Variants in ANGPT4 observed in about 807,000 individuals in gnomAD.
The protein encoded by ANGPT4 is angiopoietin 4.
A neutral mutation model predicts 53.0 loss-of-function variants in ANGPT4; 50 were observed. That is an observed-to-expected ratio of 0.94 (90% confidence interval 0.75 to 1.20). ANGPT4 has a LOEUF of 1.20. Ranked by LOEUF, ANGPT4 falls within the 50% of genes most tolerant of loss-of-function variation. ANGPT4 has a pLI of 0.00. For synonymous variants in ANGPT4, 251 were observed against 259.7 expected (o/e 0.97, Z 0.32); for missense variants, 648 against 637.1 (o/e 1.02, Z -0.18).
At chr20:899,538 C>T (rs991361130) in intron 1 of ANGPT4, among the ~76,000 whole-genome samples, 1 of 152,174 alleles carries the variant, frequency 6.6e-6, no homozygotes, top group South Asian at 2.1e-4. Flanking sequence ...CAGGCATGAA[C>T]CACCGCCCCC....
chr20:891,499 G>A (rs1981847254), intron 1 of ANGPT4, among the ~76,000 whole-genome samples: 1 of 152,228 alleles, frequency 6.6e-6, no homozygotes, highest in Non-Finnish European at 1.5e-5. Flanking sequence ...TGCAGGCAGA[G>A]AGCCAGCTCC....
intron 1 of ANGPT4, among the ~76,000 whole-genome samples, chr20:901,038 T>C (rs546384059): frequency 6.6e-6 from 1 of 152,226 alleles, no homozygotes; most frequent in South Asian, 2.1e-4. Flanking sequence ...CAGTTTACTC[T>C]CTCCCACTCT....
chr20:879,916 C>T (rs1234092612), intron 5 of ANGPT4, 68 bp from the exon 6 acceptor site: 5 of 1,199,996 alleles, frequency 4.2e-6, no homozygotes, highest in Non-Finnish European at 4.7e-6. Flanking sequence ...CTGTGCTAGC[C>T]CAAATGTGGC....
rs1440679052 is a variant in ANGPT4 at position 908,762 on chromosome 20, C to T, written c.309+7144G>A. 6.7e-6 allele frequency among the ~76,000 whole-genome samples: 1 copy of T among 150,264 alleles called. No homozygotes were observed. Among genetic ancestry groups the T allele is most frequent in the Non-Finnish European group, 1.5e-5 (1 of 67,804 alleles). The stretch of plus-strand genomic sequence containing the variant: ...AACTAAGTTCAGAGTTGTGTATACA[C>T]ATTTGTGTTTGTGTGTGGTGGGGGG... On this transcript the variant is annotated intron_variant, in intron 1 of 8. Coordinates refer to ENST00000381922, the MANE Select transcript of ANGPT4 (RefSeq NM_015985.4). The surrounding 1 kb of genome is among the most constrained non-coding windows in gnomAD (Gnocchi z 4.9).
At chr20:879,559 T>C (rs566006653) in intron 6 of ANGPT4, among the ~76,000 whole-genome samples, 188 bp downstream of exon 6, 1 of 152,188 alleles carries the variant, frequency 6.6e-6, no homozygotes, top group African/African-American at 2.4e-5. Context: ...AGAACATATG[T>C]CAGAACTTTC....
intron 1 of ANGPT4, among the ~76,000 whole-genome samples, chr20:910,524 C>T (rs1158554995): frequency 1.3e-5 from 2 of 152,156 alleles, no homozygotes; most frequent in African/African-American, 4.8e-5. Flanking sequence ...AGGGTTCATT[C>T]CTGACATTTC....
chr20:916,042 C>T lies in ANGPT4; in HGVS notation c.173G>A (p.Gly58Glu). 1 of 1,614,198 alleles carries T rather than the reference C, an allele frequency of 6.2e-7. No individual in the cohort carries two copies. Among genetic ancestry groups the T allele is most frequent in the Non-Finnish European group, 8.5e-7 (1 of 1,180,018 alleles). Residue 58 changes from glycine (G) to glutamate (E), a missense_variant, in exon 1 of 9, where the codon GGG (glycine) becomes GAG (glutamate). By Grantham distance (98) the Gly-to-Glu change is moderately conservative (BLOSUM62 -2). Transcript: ENST00000381922. Reference protein sequence around the residue: ...LLPKSEPCPPGPEVSRDSNTL... With the variant: ...LLPKSEPCPPEPEVSRDSNTL... Reference sequence around the variant, plus strand: ...GTTGGAGTCCCTGGAGACCTCAGGCCCCGGAGGGCAGGGCTCAGACTTGGG... The same window carrying T: ...GTTGGAGTCCCTGGAGACCTCAGGCTCCGGAGGGCAGGGCTCAGACTTGGG...
intron 1 of ANGPT4, among the ~76,000 whole-genome samples, chr20:898,849 G>T (rs1450252623): frequency 6.6e-6 from 1 of 152,206 alleles, no homozygotes; most frequent in South Asian, 2.1e-4. Flanking sequence ...ACTGGGCCAA[G>T]AAATGTCCAC....
At chr20:897,257 G>A (rs892125633) in intron 1 of ANGPT4, among the ~76,000 whole-genome samples, 1 of 152,176 alleles carries the variant, frequency 6.6e-6, no homozygotes, top group Non-Finnish European at 1.5e-5. Context: ...GGGACAGGAG[G>A]ACTCCTTCAG....
intron 6 of ANGPT4, 120 bp downstream of exon 6, chr20:879,627 C>T (rs946415359): frequency 1.7e-5 from 12 of 689,566 alleles, no homozygotes; most frequent in South Asian, 2.4e-5. Context: ...GCACTGTCAG[C>T]TTTAGATGAG....
chr20:884,246 A>G (rs537084400), intron 4 of ANGPT4, among the ~76,000 whole-genome samples: 3 of 152,240 alleles, frequency 2.0e-5, no homozygotes, highest in Admixed American at 2.0e-4. Context: ...GTCTATTTTT[A>G]TGGTCTGGAA....
intron 3 of ANGPT4, among the ~76,000 whole-genome samples, chr20:885,953 G>C (rs1981604826): frequency 6.6e-6 from 1 of 152,198 alleles, no homozygotes; most frequent in Non-Finnish European, 1.5e-5. Context: ...GCCTGTGTTT[G>C]GGAAGAATAT....
rs553526856 is a variant in ANGPT4, at chr20:905,609, C to T, written c.309+10297G>A. ...TGGGAGGGGCAGGAAGGAGGGTTCCCAGGAGGGAGGCCCATGGCAAGGGAG... is the reference window on the plus strand; with the variant it reads ...TGGGAGGGGCAGGAAGGAGGGTTCCTAGGAGGGAGGCCCATGGCAAGGGAG... On this transcript the variant is annotated intron_variant, in intron 1 of 8. Transcript: ENST00000381922. Among the ~76,000 whole-genome samples the T allele has an allele frequency of 9.5e-4, 145 of 152,182 alleles. 1 individual carries two copies. Among genetic ancestry groups the T allele is most frequent in the African/African-American group, 3.4e-3 (140 of 41,518 alleles).
chr20:903,732 C>T (rs1420126269), intron 1 of ANGPT4, among the ~76,000 whole-genome samples: 4 of 152,304 alleles, frequency 2.6e-5, no homozygotes, highest in Non-Finnish European at 4.4e-5. Flanking sequence ...TGTTCTAGGT[C>T]CTAGGCTGAA....
chr20:895,518 G>T (rs373449938), intron 1 of ANGPT4, among the ~76,000 whole-genome samples: 10 of 152,258 alleles, frequency 6.6e-5, no homozygotes, highest in African/African-American at 2.4e-4. Flanking sequence ...TTTGCAAAGG[G>T]TCTTGAAGGA....
chr20:896,085 G>A (rs1177704035), intron 1 of ANGPT4, among the ~76,000 whole-genome samples: 1 of 152,090 alleles, frequency 6.6e-6, no homozygotes, highest in Non-Finnish European at 1.5e-5. Flanking sequence ...CCAACACAAG[G>A]TTCTATAAAA....
At chr20:903,348 G>T (rs1982357350) in intron 1 of ANGPT4, among the ~76,000 whole-genome samples, 1 of 152,132 alleles carries the variant, frequency 6.6e-6, no homozygotes, top group African/African-American at 2.4e-5. Flanking sequence ...CCAATCTGTT[G>T]TCTCTACCCT....
chr20:903,542 T>C (rs1363024309), intron 1 of ANGPT4, among the ~76,000 whole-genome samples: 2 of 152,224 alleles, frequency 1.3e-5, no homozygotes, highest in African/African-American at 4.8e-5. Context: ...TGTCAGATTA[T>C]GACCCCCTCT....
rs893546379 is a variant in ANGPT4 at position 914,297 on chromosome 20, A to G, written c.309+1609T>C. On this transcript the variant is annotated intron_variant, in intron 1 of 8. Coordinates refer to ENST00000381922, the MANE Select transcript of ANGPT4 (RefSeq NM_015985.4). This position sits in a 1 kb window ranked among gnomAD's most constrained non-coding sequence, Gnocchi z 5.0. ...CACAACAAAGCCAGCAGAGGGACAA[A>G]GGGTGGAAGAGGAAGGTGGTTATTT... Among the ~76,000 whole-genome samples, 1 of 152,076 alleles carries G rather than the reference A, an allele frequency of 6.6e-6. No individual in the cohort carries two copies. The highest frequency in any genetic ancestry group is 1.5e-5 in the Non-Finnish European group (1 of 68,002).
Sources: gnomAD v4.1 joint callset for allele counts (sites outside exome capture counted in the v4.1 genomes callset) on GRCh38, gnomAD v4.1.1 for gene constraint, Gnocchi (gnomAD v3.1) non-coding constraint, MANE v1.5 for transcripts, NCBI Gene and HGNC (gene_info 2026-07-23, HGNC 2026-07-21) for gene names.